ASAP1: variants seen among roughly 807,000 people sequenced by gnomAD.
ASAP1 encodes the protein ArfGAP with SH3 domain, ankyrin repeat and PH domain 1, also known as arf-GAP with SH3 domain, ANK repeat and PH domain-containing protein 1.
In ASAP1, 43 loss-of-function variants were observed where a neutral mutation model predicts 145.2. The ratio of observed to expected loss-of-function variants is 0.30; its 90% CI spans 0.23 to 0.38. The LOEUF is 0.38. Among genes scored for constraint, ASAP1 ranks in the 10% least tolerant of loss-of-function variants. The pLI, the probability that ASAP1 is intolerant of heterozygous loss-of-function variation, is 1.00. For synonymous variants in ASAP1, 546 were observed against 515.5 expected (o/e 1.06, Z -0.80); for missense variants, 1,018 against 1,355.3 (o/e 0.75, Z 3.91).
rs201668313 is a variant in ASAP1 at position 130,115,238 on chromosome 8, G to C, written c.2172+390C>G. Among the ~76,000 whole-genome samples, 7 of 152,268 alleles carry C rather than the reference G, an allele frequency of 4.6e-5. No individual in the cohort carries two copies. The East Asian group carries it at 1.4e-3, about 29-fold the overall frequency. On this transcript the variant is annotated intron_variant, in intron 23 of 29. Coordinates refer to ENST00000518721, the MANE Select transcript of ASAP1 (RefSeq NM_018482.4). ...GCCTCACCTAATCAGCCAAAGAAAGGCCTTAAAAAGACTGAGGTCCCCCAA... is the reference window on the plus strand; with the variant it reads ...GCCTCACCTAATCAGCCAAAGAAAGCCCTTAAAAAGACTGAGGTCCCCCAA...
chr8:130,295,713 C>T (rs1822229051), intron 3 of ASAP1, among the ~76,000 whole-genome samples: 1 of 152,152 alleles, frequency 6.6e-6, no homozygotes, highest in Non-Finnish European at 1.5e-5. Flanking sequence ...TAATGCTGGG[C>T]TCTAACTTGG....
intron 1 of ASAP1, among the ~76,000 whole-genome samples, chr8:130,437,758 T>C (rs1027031796): frequency 1.3e-5 from 2 of 152,154 alleles, no homozygotes; most frequent in Non-Finnish European, 2.9e-5. Context: ...GGGTGGGCGC[T>C]GTCTTGACGC....
chr8:130,170,446 C>T (rs939462454), intron 9 of ASAP1, among the ~76,000 whole-genome samples: 22 of 151,966 alleles, frequency 1.4e-4, no homozygotes, highest in South Asian at 2.1e-4. Context: ...TGAGCCACTG[C>T]GCCCAGCTTA....
chr8:130,396,934 C>T (rs1828556443), intron 2 of ASAP1, among the ~76,000 whole-genome samples: 1 of 152,184 alleles, frequency 6.6e-6, no homozygotes, highest in Non-Finnish European at 1.5e-5. Context: ...ATAAGGCCAA[C>T]TGATTTCTAC....
chr8:130,396,253 C>A (rs1828525418), intron 2 of ASAP1, among the ~76,000 whole-genome samples: 1 of 152,188 alleles, frequency 6.6e-6, no homozygotes, highest in Admixed American at 6.5e-5. Flanking sequence ...AATACGTTTT[C>A]TAAAAACAAA....
intron 11 of ASAP1, chr8:130,160,853 T>C: frequency 8.3e-7 from 1 of 1,200,372 alleles, no homozygotes; most frequent in South Asian, 1.3e-5. Flanking sequence ...AAAATATAGT[T>C]AATTTCATTG....
intron 18 of ASAP1, among the ~76,000 whole-genome samples, chr8:130,122,558 TTAATTGTCACCACAACCCTA>T (rs1469816077): frequency 6.6e-6 from 1 of 152,182 alleles, no homozygotes; most frequent in African/African-American, 2.4e-5. Flanking sequence ...TTCAAGCCCC[TTAATTGTCACCACAACCCTA>T]TGAGGTAGAT....
At chr8:130,399,948 T>C (rs1200606750) in intron 2 of ASAP1, among the ~76,000 whole-genome samples, 2 of 151,954 alleles carry the variant, frequency 1.3e-5, no homozygotes, top group East Asian at 1.9e-4. Flanking sequence ...GCCTCCCAAG[T>C]AGCTGGGATT....
Position 130,052,744 on chromosome 8 carries a change from T to C in ASAP1, c.*1987A>G, listed in dbSNP as rs991566177. ...TTTTTTTTTTGTTTTTGTTTTTTTT[T>C]TTTTTTTGAAAAAAACCAGTTTATT... On this transcript the variant is annotated 3_prime_UTR_variant, in exon 30 of 30. Coordinates refer to ENST00000518721, the MANE Select transcript of ASAP1 (RefSeq NM_018482.4). 3 of 151,134 alleles carry C rather than the reference T, an allele frequency of 2.0e-5. No homozygotes were observed. The highest frequency in any genetic ancestry group is 4.8e-5 in the African/African-American group (2 of 41,340). 9.4% of individuals were successfully genotyped at this position (151,134 alleles called of 1,614,324 possible). A position where few individuals can be genotyped will look rare whatever the true frequency, so the allele number is the denominator to read the frequency against.
At chr8:130,292,025 C>G (rs1223867936) in intron 3 of ASAP1, among the ~76,000 whole-genome samples, 1 of 152,148 alleles carries the variant, frequency 6.6e-6, no homozygotes, top group African/African-American at 2.4e-5. Context: ...CTAAAAGCTG[C>G]TGGAGAGGAG....
chr8:130,062,455 T>C (rs1258645818), intron 27 of ASAP1, among the ~76,000 whole-genome samples: 6 of 152,182 alleles, frequency 3.9e-5, no homozygotes, highest in Non-Finnish European at 7.4e-5. Flanking sequence ...CTGAGGTGGC[T>C]TGGCTCTAAA....
At chr8:130,342,017 T>C (rs1338891572) in intron 3 of ASAP1, among the ~76,000 whole-genome samples, 1 of 152,194 alleles carries the variant, frequency 6.6e-6, no homozygotes, top group Non-Finnish European at 1.5e-5. Context: ...TAATGCCTCA[T>C]CAGGCATTTA....
chr8:130,155,236 A>G (rs998456750), intron 12 of ASAP1, among the ~76,000 whole-genome samples: 1 of 152,190 alleles, frequency 6.6e-6, no homozygotes, highest in African/African-American at 2.4e-5. Flanking sequence ...TGCTGCTAAT[A>G]AAGCCAAGGA....
chr8:130,301,142 T>C (rs1822636428), intron 3 of ASAP1, among the ~76,000 whole-genome samples: 1 of 152,152 alleles, frequency 6.6e-6, no homozygotes, highest in Non-Finnish European at 1.5e-5. Context: ...AAATAGTACT[T>C]TATATTTTAT....
intron 24 of ASAP1, among the ~76,000 whole-genome samples, chr8:130,095,806 A>G (rs2097516375): frequency 6.6e-6 from 1 of 151,676 alleles, no homozygotes; most frequent in African/African-American, 2.4e-5. Flanking sequence ...TTTAGTAGAG[A>G]TGGGGTTTCA....
At chr8:130,236,315 C>T (rs997974195) in intron 4 of ASAP1, among the ~76,000 whole-genome samples, 1 of 151,416 alleles carries the variant, frequency 6.6e-6, no homozygotes, top group East Asian at 1.9e-4. Context: ...TTTGTGGTTA[C>T]TCATTTTTTT....
chr8:130,301,375 T>G (rs1822651304), intron 3 of ASAP1, among the ~76,000 whole-genome samples: 2 of 152,236 alleles, frequency 1.3e-5, no homozygotes, highest in South Asian at 4.1e-4. Flanking sequence ...CCACATACAC[T>G]GCTGCTCCTT....
chr8:130,095,500 C>A (rs1386995304), intron 24 of ASAP1, among the ~76,000 whole-genome samples: 3 of 151,778 alleles, frequency 2.0e-5, no homozygotes, highest in Non-Finnish European at 4.4e-5. Context: ...GGGGTTTTGC[C>A]ATGTTGGCCA....
intron 5 of ASAP1, among the ~76,000 whole-genome samples, chr8:130,200,911 A>T (rs1443135774): frequency 6.6e-6 from 1 of 152,236 alleles, no homozygotes. Flanking sequence ...ATCTGGAGAG[A>T]AAAACAGTTG....
Sources: allele counts gnomAD v4.1 joint callset (sites outside exome capture counted in the v4.1 genomes callset), GRCh38; gene constraint gnomAD v4.1.1; transcripts MANE v1.5; gene names NCBI Gene and HGNC (gene_info 2026-07-23, HGNC 2026-07-21).